The following ESR1 variants were observed in gnomAD, a reference collection of about 807,000 sequenced individuals.
ESR1 encodes estrogen receptor.
In ESR1, 12 loss-of-function variants were observed where a neutral mutation model predicts 52.7. The observed-to-expected ratio is 0.23, with a 90% CI of 0.15 to 0.37. The LOEUF is 0.37. Among genes scored for constraint, ESR1 ranks in the 10% least tolerant of loss-of-function variants. The probability of loss-of-function intolerance (pLI) is 1.00; values close to 1 mark genes in which losing one functional copy is unlikely to be tolerated. For missense variants in ESR1, 584 were observed against 779.7 expected (o/e 0.75, Z 2.99); for synonymous variants, 305 against 316.8 (o/e 0.96, Z 0.39).
chr6:152,122,324 C>A, intron 6 of ESR1: 4 of 1,575,614 alleles, frequency 2.5e-6, no homozygotes, highest in Non-Finnish European at 3.5e-6. Context: ...GCTAAAGCTG[C>A]CACACCGAGG....
intron 2 of ESR1, among the ~76,000 whole-genome samples, chr6:151,702,417 A>G (rs1779866754): frequency 6.6e-6 from 1 of 152,026 alleles, no homozygotes; most frequent in African/African-American, 2.4e-5. Context: ...AAGTGAAAAC[A>G]TTTCTTGATT....
intron 5 of ESR1, among the ~76,000 whole-genome samples, chr6:152,047,414 G>A (rs552415634): frequency 3.3e-5 from 5 of 152,232 alleles, no homozygotes; most frequent in Admixed American, 1.3e-4. Flanking sequence ...GGAAAGGATA[G>A]TTAGTGGATT....
At chr6:151,933,083 T>G (rs1306228768) in intron 3 of ESR1, among the ~76,000 whole-genome samples, 1 of 151,842 alleles carries the variant, frequency 6.6e-6, no homozygotes, top group East Asian at 1.9e-4. Flanking sequence ...TTCCTACCCA[T>G]GAGCATGGAA....
At chr6:151,774,706 C>T (rs921050287) in intron 2 of ESR1, among the ~76,000 whole-genome samples, 8 of 152,096 alleles carry the variant, frequency 5.3e-5, no homozygotes, top group South Asian at 2.1e-4. Context: ...GTTGAACATT[C>T]GTAGGATTAA....
At chr6:151,968,149 G>T (rs7744231) in intron 4 of ESR1, among the ~76,000 whole-genome samples, 9,915 of 151,760 alleles carry the variant, frequency 0.065, 849 homozygotes, top group African/African-American at 0.2. Context: ...TTGACAAACC[G>T]GACAAAAACA....
At chr6:151,797,217 C>G (rs1267763134) in intron 2 of ESR1, among the ~76,000 whole-genome samples, 1 of 152,232 alleles carries the variant, frequency 6.6e-6, no homozygotes, top group African/African-American at 2.4e-5. Flanking sequence ...AAGGATGAAT[C>G]TGGGCTGATT....
intron 6 of ESR1, among the ~76,000 whole-genome samples, chr6:152,108,845 G>T (rs1489346470): frequency 6.6e-6 from 1 of 152,214 alleles, no homozygotes; most frequent in Non-Finnish European, 1.5e-5. Context: ...AATACAGAAT[G>T]TACGTTGTAT....
chr6:151,856,054 A>C (rs566637711), intron 2 of ESR1, among the ~76,000 whole-genome samples: 1 of 152,350 alleles, frequency 6.6e-6, no homozygotes, highest in East Asian at 1.9e-4. Flanking sequence ...TCTTATATAT[A>C]TGTTTCACCA....
At chr6:151,755,796 A>G (rs1784240327) in intron 2 of ESR1, among the ~76,000 whole-genome samples, 1 of 151,974 alleles carries the variant, frequency 6.6e-6, no homozygotes, top group Non-Finnish European at 1.5e-5. Context: ...ATGCCCAGCT[A>G]CTTTTTGTAT....
chr6:151,929,239 A>G (rs1012766620), intron 3 of ESR1, among the ~76,000 whole-genome samples: 1 of 152,032 alleles, frequency 6.6e-6, no homozygotes, highest in Non-Finnish European at 1.5e-5. Context: ...GTTTTGATTC[A>G]CTTTTGTTAG....
downstream of ESR1, among the ~76,000 whole-genome samples, chr6:152,106,182 A>C (rs1440069457): frequency 1.3e-5 from 2 of 152,240 alleles, no homozygotes; most frequent in African/African-American, 2.4e-5. Context: ...GCTCCAATGC[A>C]GCTCCATTCT....
chr6:151,857,570 C>A (rs1257394355), intron 2 of ESR1, among the ~76,000 whole-genome samples: 1 of 151,876 alleles, frequency 6.6e-6, no homozygotes, highest in Admixed American at 6.6e-5. Flanking sequence ...GCTCTGTCGC[C>A]CAAGCTGGAG....
chr6:151,875,092 A>G (rs905915674), intron 2 of ESR1, among the ~76,000 whole-genome samples: 22 of 152,254 alleles, frequency 1.4e-4, no homozygotes, highest in Non-Finnish European at 2.2e-4. Flanking sequence ...CAGTCATATT[A>G]GGAAAGAGGC....
chr6:151,992,943 G>C (rs2041160199), intron 4 of ESR1, among the ~76,000 whole-genome samples: 1 of 152,132 alleles, frequency 6.6e-6, no homozygotes, highest in Non-Finnish European at 1.5e-5. Context: ...TTTTGGTTTA[G>C]TTAAGCCTAC....
intron 2 of ESR1, among the ~76,000 whole-genome samples, chr6:151,726,191 G>T (rs534188119): frequency 6.6e-6 from 1 of 152,116 alleles, no homozygotes; most frequent in East Asian, 1.9e-4. Flanking sequence ...CCATGACTAG[G>T]ATATATCCCT....
chr6:151,880,801 G>GAGA, intron 3 of ESR1, 30 bp downstream of exon 3: 1 of 1,174,960 alleles, frequency 8.5e-7, no homozygotes, highest in Non-Finnish European at 1.3e-6. Flanking sequence ...GGGCCCTTGG[G>GAGA]GATGGCCCTG....
intron 4 of ESR1, among the ~76,000 whole-genome samples, chr6:151,945,696 T>G (rs1044420652): frequency 2.6e-5 from 4 of 152,232 alleles, no homozygotes; most frequent in African/African-American, 4.8e-5. Flanking sequence ...ATTAATTGTT[T>G]CCTATGAAGC....
chr6:151,801,821 T>G (rs374114834), upstream of ESR1, among the ~76,000 whole-genome samples: 31 of 152,344 alleles, frequency 2.0e-4, 1 homozygote, highest in South Asian at 6.0e-3. Context: ...AGAGGATAGC[T>G]CCGTCCTTTG....
At chr6:151,945,042 C>G (rs2035542586) in intron 4 of ESR1, among the ~76,000 whole-genome samples, 1 of 152,024 alleles carries the variant, frequency 6.6e-6, no homozygotes, top group African/African-American at 2.4e-5. Context: ...GTGGCGAAAC[C>G]CTGTCTCTAC....
Sources: gnomAD v4.1 joint callset for allele counts (sites outside exome capture counted in the v4.1 genomes callset) on GRCh38, gnomAD v4.1.1 for gene constraint, MANE v1.5 for transcripts, NCBI Gene and HGNC (gene_info 2026-07-23, HGNC 2026-07-21) for gene names.